The following UGT1A10 variants were observed in gnomAD, a reference collection of about 807,000 sequenced individuals.
The protein encoded by UGT1A10 is UDP-glucuronosyltransferase 1A10.
A neutral mutation model predicts 45.8 loss-of-function variants in UGT1A10; 49 were observed. The observed-to-expected ratio is 1.07, with a 90% CI of 0.85 to 1.36. The LOEUF (loss-of-function observed/expected upper bound fraction) is 1.36. UGT1A10 is among the 40% of genes most tolerant of loss of function. UGT1A10 has a pLI of 0.00. For missense variants in UGT1A10, 745 were observed against 668.6 expected (o/e 1.11, Z -1.26); for synonymous variants, 284 against 249.7 (o/e 1.14, Z -1.29).
intron 1 of UGT1A10, among the ~76,000 whole-genome samples, chr2:233,724,331 G>A (rs1366026275): frequency 6.4e-5 from 9 of 139,780 alleles, no homozygotes; most frequent in East Asian, 2.2e-4. Flanking sequence ...CTGGCCAGGC[G>A]GGGGGCTGAC....
chr2:233,653,660 G>A (rs1300352927), intron 1 of UGT1A10, among the ~76,000 whole-genome samples: 1 of 152,090 alleles, frequency 6.6e-6, no homozygotes, highest in Non-Finnish European at 1.5e-5. Context: ...GCAGTGGTGC[G>A]ATCTCAGCTT....
At chr2:233,765,155 C>T (rs1463454696) in intron 1 of UGT1A10, among the ~76,000 whole-genome samples, 1 of 152,176 alleles carries the variant, frequency 6.6e-6, no homozygotes, top group East Asian at 1.9e-4. Flanking sequence ...TCCTAGGGAA[C>T]CCCTCAGTTT....
At chr2:233,755,297 A>G in intron 1 of UGT1A10, 2 of 623,206 alleles carry the variant, frequency 3.2e-6, no homozygotes, top group East Asian at 6.1e-5. Context: ...CCTGCGGGGC[A>G]CTGGCACAGC....
At chr2:233,766,979 T>C in intron 1 of UGT1A10, 55 bp from the exon 2 acceptor site, 1 of 1,612,672 alleles carries the variant, frequency 6.2e-7, no homozygotes, top group Non-Finnish European at 8.5e-7. Flanking sequence ...TTACTGTATG[T>C]AGTCATCAAA....
intron 1 of UGT1A10, among the ~76,000 whole-genome samples, chr2:233,712,177 C>T (rs28898598): frequency 0.021 from 3,273 of 152,310 alleles, 114 homozygotes; most frequent in African/African-American, 0.075. Context: ...GATCTGAGGC[C>T]AGGCTCCAGC....
At chr2:233,743,728 A>G in intron 1 of UGT1A10, 1 of 1,367,282 alleles carries the variant, frequency 7.3e-7, no homozygotes, top group Non-Finnish European at 9.8e-7. Context: ...GGTCATAGAT[A>G]TCGCGTTTCT....
At chr2:233,661,716 T>A (rs1325928423) in intron 1 of UGT1A10, among the ~76,000 whole-genome samples, 1 of 146,542 alleles carries the variant, frequency 6.8e-6, no homozygotes, top group African/African-American at 2.6e-5. Flanking sequence ...TTCTTTTTTT[T>A]TTTTTTAATG....
intron 1 of UGT1A10, among the ~76,000 whole-genome samples, chr2:233,766,604 C>T (rs1699199811): frequency 6.6e-6 from 1 of 152,174 alleles, no homozygotes; most frequent in Non-Finnish European, 1.5e-5. Flanking sequence ...AGGGACCACA[C>T]CCTCTTCTAC....
chr2:233,673,050 AC>A (rs2074249214), intron 1 of UGT1A10, among the ~76,000 whole-genome samples: 1 of 152,224 alleles, frequency 6.6e-6, no homozygotes, highest in African/African-American at 2.4e-5. Context: ...TTAGAAAAGT[AC>A]CAAAAACCAC....
rs145219670 is a variant in UGT1A10 at position 233,646,383 on chromosome 2, C to T, written c.855+9006C>T. Reference sequence around the variant, plus strand: ...CATTACTTATGGAAATTTCTGCAGCCGGCTTAAATTTCTCCTCAGAAAATG... The same window carrying T: ...CATTACTTATGGAAATTTCTGCAGCTGGCTTAAATTTCTCCTCAGAAAATG... On this transcript the variant is annotated intron_variant, in intron 1 of 4. Transcript: ENST00000344644. Among the ~76,000 whole-genome samples the T allele has an allele frequency of 1.8e-3, 275 of 152,318 alleles. 1 individual carries two copies. Among genetic ancestry groups the T allele is most frequent in the African/African-American group, 5.7e-3 (235 of 41,576 alleles).
chr2:233,747,645 T>G, intron 1 of UGT1A10: 1 of 1,586,272 alleles, frequency 6.3e-7, no homozygotes, highest in Non-Finnish European at 8.7e-7. Context: ...GAATGCTACT[T>G]CCTTCGATGT....
chr2:233,718,686 G>A, intron 1 of UGT1A10: 8 of 1,582,298 alleles, frequency 5.1e-6, no homozygotes, highest in Non-Finnish European at 6.9e-6. Context: ...ATAAGTAACT[G>A]GAGGAGGGCA....
intron 1 of UGT1A10, among the ~76,000 whole-genome samples, chr2:233,638,336 TG>T (rs2073358886): frequency 6.6e-6 from 1 of 152,214 alleles, no homozygotes. Context: ...AACTGATTAC[TG>T]GTAATTAAAA....
In UGT1A10 at chr2:233,662,267, A is replaced by G. The variant is rs1163041813; in HGVS notation, c.855+24890A>G. The stretch of plus-strand genomic sequence containing the variant: ...AATGATAAAATAGACTCGTTGCTAT[A>G]TATATTTTAGGCATTCCTGACATAC... On this transcript the variant is annotated intron_variant, in intron 1 of 4. Coordinates refer to ENST00000344644, the MANE Select transcript of UGT1A10 (RefSeq NM_019075.4). Among the ~76,000 whole-genome samples the G allele has an allele frequency of 3.3e-5, 5 of 152,152 alleles. No individual in the cohort carries two copies. The East Asian group carries it at 9.6e-4, about 29-fold the overall frequency.
chr2:233,729,140 T>A (rs764216877), intron 1 of UGT1A10: 1 of 1,613,384 alleles, frequency 6.2e-7, no homozygotes, highest in Admixed American at 1.7e-5. Flanking sequence ...GCCACAGGAC[T>A]CCAGGTTCCC....
chr2:233,758,379 G>T (rs116011249), intron 1 of UGT1A10, among the ~76,000 whole-genome samples: 127 of 152,312 alleles, frequency 8.3e-4, no homozygotes, highest in African/African-American at 3.0e-3. Context: ...TTACAGTGGT[G>T]ACTTATGTGT....
intron 1 of UGT1A10, among the ~76,000 whole-genome samples, chr2:233,644,568 A>G (rs535976961): frequency 1.5e-4 from 23 of 150,430 alleles, no homozygotes; most frequent in African/African-American, 5.6e-4. Context: ...CTCAAAAAAT[A>G]AGAATAAATA....
chr2:233,731,298 T>TA (rs199583438), intron 1 of UGT1A10, among the ~76,000 whole-genome samples: 1 of 149,198 alleles, frequency 6.7e-6, no homozygotes, highest in Non-Finnish European at 1.5e-5. Context: ...TTTTTTTTTT[T>TA]ATTATACTTT....
intron 1 of UGT1A10, chr2:233,719,540 G>A (rs1488835292): frequency 1.9e-6 from 3 of 1,613,770 alleles, no homozygotes; most frequent in Non-Finnish European, 1.7e-6. Flanking sequence ...AGCTTTTTCA[G>A]AGAGAGGTGT....
Sources: allele counts gnomAD v4.1 joint callset (sites outside exome capture counted in the v4.1 genomes callset), GRCh38; gene constraint gnomAD v4.1.1; transcripts MANE v1.5; gene names NCBI Gene and HGNC (gene_info 2026-07-23, HGNC 2026-07-21).